POC5: variants seen among roughly 807,000 people sequenced by gnomAD.
The protein encoded by POC5 is POC5 centriolar protein, also known as centrosomal protein POC5.
In POC5, 48 loss-of-function variants were observed where a neutral mutation model predicts 62.9. The ratio of observed to expected loss-of-function variants is 0.76; its 90% CI spans 0.61 to 0.97. The LOEUF is 0.97. POC5 is among the 50% of genes least tolerant of loss of function. POC5 has a pLI of 0.00. For missense variants in POC5, 696 were observed against 679.5 expected (o/e 1.02, Z -0.27); for synonymous variants, 236 against 228.2 (o/e 1.03, Z -0.31).
In POC5 at chr5:75,712,854, C is replaced by T. The variant is rs202232412; in HGVS notation, c.84G>A (p.Gln28=). 334 of 1,602,202 alleles carry T rather than the reference C, an allele frequency of 2.1e-4. 8 individuals carry two copies. The South Asian group carries it at 2.1e-3, about 10-fold the overall frequency. The change falls in exon 2 of 12, where the codon CAG becomes CAA. Residue 28 remains glutamine, a splice_region_variant and synonymous_variant. Coordinates refer to ENST00000428202, the MANE Select transcript of POC5 (RefSeq NM_001099271.2). ...SRGSSVSSNL[Q]EEYEELLHYA... ...GGTAAATTTAGAAATTTTTTCCTAC[C>T]TGAAGATTCGAAGAGACAGAACTGC...
At chr5:75,707,692 C>T in intron 3 of POC5, 45 bp downstream of exon 3, 1 of 1,387,548 alleles carries the variant, frequency 7.2e-7, no homozygotes, top group Non-Finnish European at 9.9e-7. Context: ...TTAATAAACT[C>T]AGTAATATTT....
rs538296798 is a variant in POC5, at chr5:75,697,787, G to C, written c.514-2956C>G. Among the ~76,000 whole-genome samples, 952 of 151,648 alleles carry C rather than the reference G, an allele frequency of 6.3e-3. 14 individuals carry two copies. The highest frequency in any genetic ancestry group is 0.022 in the African/African-American group (913 of 41,364). ...CACAGACTGGCAAATTGGATAAAGA[G>C]TCAAGATCCATCAGTGTGCTGTATT... On this transcript the variant is annotated intron_variant, in intron 5 of 11. Transcript: ENST00000428202.
chr5:75,690,599 T>C lies in POC5; in HGVS notation c.796-37A>G, dbSNP rs376089231. 43 of 1,449,330 alleles carry C rather than the reference T, an allele frequency of 3.0e-5. No homozygotes were observed. The African/African-American group carries it at 5.0e-4, about 17-fold the overall frequency. The allele number at this position is 1,449,330 out of a possible 1,614,324, so 89.8% of individuals were successfully genotyped here. ...TAAAATATAACTTCAAAAACACAGT[T>C]GATTGATAAATATATTGGTAGTAAT... On this transcript the variant is annotated intron_variant, in intron 7 of 11. Transcript: ENST00000428202.
At chr5:75,685,592 T>C (rs1776071391) in intron 9 of POC5, 108 bp from the exon 10 acceptor site, 4 of 1,140,380 alleles carry the variant, frequency 3.5e-6, no homozygotes, top group Admixed American at 4.5e-5. Flanking sequence ...AACAAAAATT[T>C]AGATGTTTAC....
rs766401497 is a variant in POC5, at chr5:75,692,411, G to A, written c.780C>T (p.Val260=). The part of the protein sequence containing the change: ...RTFFHWRIGH[V]RARQDVYEGK... Reference sequence around the variant, plus strand: ...TGACACTTACATCCTGTCTGGCTCTGACATGGCCGATTCGCCAGTGGAAGA... The same window carrying A: ...TGACACTTACATCCTGTCTGGCTCTAACATGGCCGATTCGCCAGTGGAAGA... Residue 260 remains valine (V), a synonymous_variant, in exon 7 of 12, where the codon GTC becomes GTT. Coordinates refer to ENST00000428202, the MANE Select transcript of POC5 (RefSeq NM_001099271.2). 1 of 1,592,732 alleles carries A rather than the reference G, an allele frequency of 6.3e-7. No individual in the cohort carries two copies.
At chr5:75,679,527 A>G (rs945787436) in intron 10 of POC5, among the ~76,000 whole-genome samples, 1 of 152,156 alleles carries the variant, frequency 6.6e-6, no homozygotes, top group Non-Finnish European at 1.5e-5. Context: ...GGAAGACCCT[A>G]TGGAAAACAG....
chr5:75,689,615 A>G lies in POC5; in HGVS notation c.976-450T>C, dbSNP rs189802972. The G allele has an allele frequency of 3.1e-4, 304 of 985,264 alleles. 3 individuals are homozygous for G. In the African/African-American group the frequency reaches 5.0e-3, roughly 16 times the overall value. 61.0% of individuals were successfully genotyped at this position (985,264 alleles called of 1,614,324 possible). ...AGTATTTGAAGTGCAGAGTGACCCTAGGTACAACACACTTTCCCATAGGCC... is the reference window on the plus strand; with the variant it reads ...AGTATTTGAAGTGCAGAGTGACCCTGGGTACAACACACTTTCCCATAGGCC... On this transcript the variant is annotated intron_variant, in intron 8 of 11. Coordinates refer to ENST00000428202, the MANE Select transcript of POC5 (RefSeq NM_001099271.2).
chr5:75,678,509 A>G (rs1203949990), intron 10 of POC5, among the ~76,000 whole-genome samples: 3 of 152,040 alleles, frequency 2.0e-5, no homozygotes, highest in Non-Finnish European at 4.4e-5. Flanking sequence ...GAAACCATTA[A>G]TCTGTTTTAT....
intron 2 of POC5, chr5:75,709,569 G>C (rs1777259688): frequency 6.6e-6 from 1 of 152,106 alleles, no homozygotes; most frequent in Non-Finnish European, 1.5e-5. Context: ...TGTGGCTCCA[G>C]TTTTAGTATA....
In POC5 at chr5:75,694,073, G is replaced by GTCCT. The variant is rs1286829583; in HGVS notation, c.690+581_690+582insAGGA. Among the ~76,000 whole-genome samples the GTCCT allele has an allele frequency of 3.9e-5, 6 of 152,270 alleles. No individual in the cohort carries two copies. The East Asian group carries it at 1.2e-3, about 29-fold the overall frequency. On this transcript the variant is annotated intron_variant, in intron 6 of 11. Coordinates refer to ENST00000428202, the MANE Select transcript of POC5 (RefSeq NM_001099271.2). Reference sequence around the variant, plus strand: ...ACTTGCAGTCCCTGGCAGGGGCTGAGGCAGGAGGTTCACTTGAGCCCCGGA... The same window carrying GTCCT: ...ACTTGCAGTCCCTGGCAGGGGCTGAGTCCTGCAGGAGGTTCACTTGAGCCCCGGA...
At position 75,705,786 on chromosome 5, in the gene POC5, T is replaced by C; in HGVS notation, c.225A>G (p.Gly75=). The part of the protein sequence containing the change: ...STIHDILHSQ[G]NNSEVRETAI... The stretch of plus-strand genomic sequence containing the variant: ...CAGTTTCTCTTACTTCAGAGTTATT[T>C]CCTGCCAAAAAGAAAGCTTTTTAAA... The change falls in exon 4 of 12, where the codon GGA becomes GGG. Residue 75 remains glycine (G), a splice_region_variant and synonymous_variant. Coordinates refer to ENST00000428202, the MANE Select transcript of POC5 (RefSeq NM_001099271.2). 1 of 1,532,096 alleles carries C rather than the reference T, an allele frequency of 6.5e-7. No individual in the cohort carries two copies. Among genetic ancestry groups the C allele is most frequent in the Non-Finnish European group, 8.8e-7 (1 of 1,140,514 alleles). 94.9% of individuals were successfully genotyped at this position (1,532,096 alleles called of 1,614,324 possible). A position where few individuals can be genotyped will look rare whatever the true frequency, so the allele number is the denominator to read the frequency against.
chr5:75,689,620 C>T (rs762385150), intron 8 of POC5: 12 of 985,300 alleles, frequency 1.2e-5, no homozygotes, highest in Non-Finnish European at 1.4e-5. Context: ...ACCCTAGGTA[C>T]AACACACTTT....
At chr5:75,691,771 T>G (rs1776347692) in intron 7 of POC5, among the ~76,000 whole-genome samples, 1 of 152,196 alleles carries the variant, frequency 6.6e-6, no homozygotes, top group Admixed American at 6.5e-5. Context: ...TTGTGGGATA[T>G]ACTCATACTT....
chr5:75,681,233 A>G (rs1332416610), intron 10 of POC5, among the ~76,000 whole-genome samples: 4 of 152,146 alleles, frequency 2.6e-5, no homozygotes, highest in Non-Finnish European at 4.4e-5. Context: ...GTCCTTAGGC[A>G]AGTTGCATAC....
intron 2 of POC5, among the ~76,000 whole-genome samples, chr5:75,710,052 C>A (rs563143962): frequency 7.0e-4 from 107 of 152,314 alleles, no homozygotes; most frequent in African/African-American, 2.5e-3. Context: ...CTGGTCCCCT[C>A]TTCCCATGGG....
At chr5:75,715,137 C>G (rs553873030) in intron 1 of POC5, among the ~76,000 whole-genome samples, 1 of 151,928 alleles carries the variant, frequency 6.6e-6, no homozygotes, top group Admixed American at 6.6e-5. Context: ...ACGGTGAAAC[C>G]CCGTCTCCAC....
At chr5:75,697,359 C>A (rs558625888) in intron 5 of POC5, among the ~76,000 whole-genome samples, 2 of 151,976 alleles carry the variant, frequency 1.3e-5, no homozygotes, top group Non-Finnish European at 2.9e-5. Flanking sequence ...GCTGATCTCT[C>A]AGCAGAAACT....
intron 9 of POC5, among the ~76,000 whole-genome samples, chr5:75,686,256 G>C (rs1261159365): frequency 1.3e-5 from 2 of 152,146 alleles, no homozygotes; most frequent in African/African-American, 4.8e-5. Context: ...GTTAGTTTCT[G>C]CTTAAGACTG....
intron 5 of POC5, among the ~76,000 whole-genome samples, chr5:75,696,671 T>A (rs543024991): frequency 3.9e-4 from 59 of 152,320 alleles, no homozygotes; most frequent in East Asian, 2.3e-3. Context: ...CTCCAAAGGA[T>A]CGCAGTTCCT....
Sources: allele counts gnomAD v4.1 joint callset (sites outside exome capture counted in the v4.1 genomes callset), GRCh38; gene constraint gnomAD v4.1.1; transcripts MANE v1.5; gene names NCBI Gene and HGNC (gene_info 2026-07-23, HGNC 2026-07-21).